The following UCHL5 variants were observed in gnomAD, a reference collection of about 807,000 sequenced individuals.
UCHL5 encodes ubiquitin carboxyl-terminal hydrolase isozyme L5.
In UCHL5, 34 loss-of-function variants were observed where a neutral mutation model predicts 53.8. That is an observed-to-expected ratio of 0.63 (90% CI 0.48 to 0.84). The LOEUF (loss-of-function observed/expected upper bound fraction) is 0.84, where lower values mean the gene tolerates loss of function less well. Ranked by LOEUF, UCHL5 falls within the 40% of genes least tolerant of loss-of-function variation. The pLI is 0.00. For missense variants in UCHL5, 290 were observed against 385.6 expected, an observed-to-expected ratio of 0.75 and a Z score of 2.08; for synonymous variants, 111 against 126.3, an observed-to-expected ratio of 0.88 and a Z score of 0.81.
At chr1:193,046,698 A>AAATTTAT (rs1217713726) in intron 3 of UCHL5, among the ~76,000 whole-genome samples, 4 of 147,720 alleles carry the variant, frequency 2.7e-5, no homozygotes, top group African/African-American at 9.8e-5. Flanking sequence ...ATTTATATAT[A>AAATTTAT]AATTTATAAT....
intron 3 of UCHL5, among the ~76,000 whole-genome samples, chr1:193,031,170 G>A (rs543912031): frequency 2.5e-4 from 38 of 152,244 alleles, no homozygotes; most frequent in South Asian, 2.1e-3. Context: ...CTAAAACACT[G>A]TAACACTTAG....
Position 193,059,196 on chromosome 1 carries a change from A to G in UCHL5, c.65T>C (p.Ile22Thr). ...CCCTTGGTTCTCACCGAATCCTTTAATGAGCTCGGTGAAGACCCCGGGGTC... is the reference window on the plus strand; with the variant it reads ...CCCTTGGTTCTCACCGAATCCTTTAGTGAGCTCGGTGAAGACCCCGGGGTC... ...ESDPGVFTEL[I>T]KGFGCRGAQV... Residue 22 changes from isoleucine to threonine, a missense_variant, in exon 1 of 11, where the codon ATT (isoleucine) becomes ACT (threonine). Transcript: ENST00000367454. This position sits in a 1 kb window ranked among gnomAD's most constrained non-coding sequence, Gnocchi z 4.9. The G allele has an allele frequency of 6.2e-7, 1 of 1,613,286 alleles. No individual in the cohort carries two copies. The highest frequency in any genetic ancestry group is 8.5e-7 in the Non-Finnish European group (1 of 1,179,704).
intron 3 of UCHL5, among the ~76,000 whole-genome samples, chr1:193,038,233 G>C (rs531190898): frequency 1.0e-3 from 155 of 152,104 alleles, no homozygotes; most frequent in Non-Finnish European, 1.9e-3. Context: ...GAGGCGGGCA[G>C]ATTACGAGGT....
rs765472741 is a variant in UCHL5 at position 193,020,489 on chromosome 1, G to C, written c.942+608C>G. 173 of 1,506,728 alleles carry C rather than the reference G, an allele frequency of 1.1e-4. 1 individual carries two copies. The highest frequency in any genetic ancestry group is 2.2e-5 in the Admixed American group (1 of 46,126). The allele number at this position is 1,506,728 out of a possible 1,614,324, so 93.3% of individuals were successfully genotyped here. On this transcript the variant is annotated intron_variant, in intron 10 of 10. Transcript: ENST00000367454. ...GGGGCCAGGTAACATGTATTTTAAA[G>C]AGTATCCACTGATGTTCACTTTCAG...
rs1325106270 is a variant in UCHL5 at position 193,029,591 on chromosome 1, C to T, written c.313G>A (p.Val105Ile). Reference sequence around the variant, plus strand: ...TCTGATAATGTCTCGCCTAAATGGACATCCTGGTGGGTACAGTTCAGTAAC... The same window carrying T: ...TCTGATAATGTCTCGCCTAAATGGATATCCTGGTGGGTACAGTTCAGTAAC... ...SVLLNCTHQD[V>I]HLGETLSEFK... The change falls in exon 4 of 11, where the codon GTC becomes ATC. Residue 105 changes from valine to isoleucine, a missense_variant. Physicochemically the swap from Val to Ile is conservative, Grantham distance 29. Transcript: ENST00000367454. 2 of 1,613,464 alleles carry T rather than the reference C, an allele frequency of 1.2e-6. No homozygotes were observed. The highest frequency in any genetic ancestry group is 1.3e-5 in the African/African-American group (1 of 75,014).
At chr1:193,041,393 G>C (rs1665519144) in intron 3 of UCHL5, among the ~76,000 whole-genome samples, 1 of 152,276 alleles carries the variant, frequency 6.6e-6, no homozygotes, top group South Asian at 2.1e-4. Flanking sequence ...AACATGATTA[G>C]TGATCAGGGA....
intron 10 of UCHL5, chr1:193,018,346 G>A: frequency 3.5e-6 from 1 of 287,564 alleles, no homozygotes; most frequent in Non-Finnish European, 5.2e-6. Context: ...ACATACAAAT[G>A]TGTAGACAAA....
At chr1:193,046,513 C>A (rs1667365842) in intron 3 of UCHL5, among the ~76,000 whole-genome samples, 1 of 151,982 alleles carries the variant, frequency 6.6e-6, no homozygotes, top group Non-Finnish European at 1.5e-5. Context: ...CACTGACTAG[C>A]TACATAACAT....
At chr1:193,041,074 A>C (rs941764888) in intron 3 of UCHL5, among the ~76,000 whole-genome samples, 16 of 152,196 alleles carry the variant, frequency 1.1e-4, no homozygotes, top group Admixed American at 5.9e-4. Flanking sequence ...AGTGTTTGAC[A>C]AATCAGTAGG....
intron 3 of UCHL5, among the ~76,000 whole-genome samples, chr1:193,039,211 A>G (rs1359963708): frequency 6.6e-6 from 1 of 152,080 alleles, no homozygotes; most frequent in Non-Finnish European, 1.5e-5. Flanking sequence ...CAAGTTTGAG[A>G]CCAACCTGGC....
At position 193,023,961 on chromosome 1, in the gene UCHL5, T is replaced by C. The variant is rs1352698701; in HGVS notation, c.630-15A>G. The C allele has an allele frequency of 2.6e-6, 4 of 1,523,834 alleles. No homozygotes were observed. The highest frequency in any genetic ancestry group is 9.0e-7 in the Non-Finnish European group (1 of 1,107,482). 94.4% of individuals were successfully genotyped at this position (1,523,834 alleles called of 1,614,324 possible). A position where few individuals can be genotyped will look rare whatever the true frequency, so the allele number is the denominator to read the frequency against. On this transcript the variant is annotated splice_polypyrimidine_tract_variant and intron_variant, in intron 7 of 10. Transcript: ENST00000367454. The stretch of plus-strand genomic sequence containing the variant: ...CTTCACTGTACCTAGAAGAAAATTA[T>C]TTAAGTTTATAATGTAATAAAGAAT...
intron 3 of UCHL5, among the ~76,000 whole-genome samples, chr1:193,042,822 G>C (rs1197072536): frequency 6.6e-6 from 1 of 152,082 alleles, no homozygotes; most frequent in Non-Finnish European, 1.5e-5. Context: ...TACCCTGTAA[G>C]ATCTGACCTC....
At chr1:193,036,604 T>G (rs1462090288) in intron 3 of UCHL5, among the ~76,000 whole-genome samples, 1 of 152,018 alleles carries the variant, frequency 6.6e-6, no homozygotes, top group Non-Finnish European at 1.5e-5. Flanking sequence ...CATCAGAGGT[T>G]AACTACAGAC....
chr1:193,030,755 GA>G, intron 3 of UCHL5, among the ~76,000 whole-genome samples: 1 of 152,032 alleles, frequency 6.6e-6, no homozygotes, highest in Non-Finnish European at 1.5e-5. Flanking sequence ...GATTTCAGAA[GA>G]AAAAAATTCA....
rs796470471 is a variant in UCHL5, at chr1:193,013,715, G to A, written c.*2636C>T. The stretch of plus-strand genomic sequence containing the variant: ...TCTAAATGCATCTTGAAATGTTAAC[G>A]TTACAGGCAACTAGGAGGATTAATT... On this transcript the variant is annotated 3_prime_UTR_variant, in exon 11 of 11. Coordinates refer to ENST00000367454, the MANE Select transcript of UCHL5 (RefSeq NM_001199261.3). 19 of 151,930 alleles carry A rather than the reference G, an allele frequency of 1.3e-4. No homozygotes were observed. The highest frequency in any genetic ancestry group is 2.9e-4 in the African/African-American group (12 of 41,410). 9.4% of individuals were successfully genotyped at this position (151,930 alleles called of 1,614,324 possible).
intron 3 of UCHL5, among the ~76,000 whole-genome samples, chr1:193,041,191 A>G (rs768968292): frequency 1.7e-4 from 26 of 152,228 alleles, no homozygotes; most frequent in Non-Finnish European, 2.8e-4. Flanking sequence ...TGATATCCCA[A>G]TTATACTAAT....
chr1:193,031,730 A>G lies in UCHL5; in HGVS notation c.247-2073T>C, dbSNP rs184662981. 2.0e-5 allele frequency among the ~76,000 whole-genome samples: 3 copies of G among 152,316 alleles called. No homozygotes were observed. In the East Asian group the frequency reaches 5.8e-4, roughly 29 times the overall value. On this transcript the variant is annotated intron_variant, in intron 3 of 10. Coordinates refer to ENST00000367454, the MANE Select transcript of UCHL5 (RefSeq NM_001199261.3). ...TGCCAGACATTGTAATAAAGGCTGA[A>G]CAGTGAATAAGAAAGATGTGGTCCT...
rs770111232 is a variant in UCHL5 at position 193,021,156 on chromosome 1, T to C, written c.883A>G (p.Ile295Val). 5 of 1,610,652 alleles carry C rather than the reference T, an allele frequency of 3.1e-6. No homozygotes were observed. In the Admixed American group the frequency reaches 8.3e-5, roughly 27 times the overall value. The part of the protein sequence containing the change: ...IRRKHNYLPF[I>V]MELLKTLAEH... ...GCTAAAGTCTTTAACAATTCCATAATGAAAGGCAGATAATTATGCTTCCTT... is the reference window on the plus strand; with the variant it reads ...GCTAAAGTCTTTAACAATTCCATAACGAAAGGCAGATAATTATGCTTCCTT... Residue 295 changes from isoleucine (I) to valine (V), a missense_variant, in exon 10 of 11, where the codon ATT becomes GTT. Ile to Val is a conservative substitution (Grantham distance 29). Coordinates refer to ENST00000367454, the MANE Select transcript of UCHL5 (RefSeq NM_001199261.3).
At chr1:193,023,976 T>A in intron 7 of UCHL5, 30 bp from the exon 8 acceptor site, 1 of 1,438,828 alleles carries the variant, frequency 7.0e-7, no homozygotes, top group South Asian at 1.2e-5. Flanking sequence ...GTTTATAATG[T>A]AATAAAGAAT....
Sources: gnomAD v4.1 joint callset for allele counts (sites outside exome capture counted in the v4.1 genomes callset) on GRCh38, gnomAD v4.1.1 for gene constraint, Gnocchi (gnomAD v3.1) non-coding constraint, MANE v1.5 for transcripts, NCBI Gene and HGNC (gene_info 2026-07-23, HGNC 2026-07-21) for gene names.